The following SPAG16 variants were observed in gnomAD, a reference collection of about 807,000 sequenced individuals.
SPAG16 encodes sperm associated antigen 16, also known as sperm-associated antigen 16 protein.
A neutral mutation model predicts 80.4 loss-of-function variants in SPAG16; 86 were observed. The observed-to-expected ratio is 1.07, with a 90% CI of 0.90 to 1.28. SPAG16 has a LOEUF of 1.28. Ranked by LOEUF, SPAG16 falls within the 50% of genes most tolerant of loss-of-function variation. The pLI, the probability that SPAG16 is intolerant of heterozygous loss-of-function variation, is 0.00. For missense variants in SPAG16, 870 were observed against 765.3 expected (o/e 1.14, Z -1.61); for synonymous variants, 294 against 265.9 (o/e 1.11, Z -1.03).
chr2:214,335,667 A>C (rs1239062045), intron 15 of SPAG16, among the ~76,000 whole-genome samples: 1 of 151,310 alleles, frequency 6.6e-6, no homozygotes, highest in Non-Finnish European at 1.5e-5. Flanking sequence ...TAGCTCTACC[A>C]TCCCGTTTAT....
intron 10 of SPAG16, among the ~76,000 whole-genome samples, chr2:213,607,238 A>G (rs2061293928): frequency 6.6e-6 from 1 of 152,224 alleles, no homozygotes. Context: ...TAAAATTTAA[A>G]TGTAACTATG....
chr2:213,643,179 CTA>C lies in SPAG16; in HGVS notation c.1070+153091_1070+153092del, dbSNP rs1409359373. Among the ~76,000 whole-genome samples the C allele has an allele frequency of 1.5e-3, 231 of 150,500 alleles. 2 individuals are homozygous for C. Among genetic ancestry groups the C allele is most frequent in the African/African-American group, 5.2e-3 (212 of 41,076 alleles). ...TTTGTCTGGGGAAGTCTTTATTTCT[CTA>C]TGTTTAAAGAGTATTTTCACTGGAT... On this transcript the variant is annotated intron_variant, in intron 10 of 15. Transcript: ENST00000331683.
intron 9 of SPAG16, among the ~76,000 whole-genome samples, chr2:213,489,619 C>T (rs766018630): frequency 8.6e-5 from 13 of 151,964 alleles, no homozygotes; most frequent in Non-Finnish European, 1.6e-4. Context: ...GCTGACACTA[C>T]GGTTGGGCCT....
intron 10 of SPAG16, among the ~76,000 whole-genome samples, chr2:213,523,954 A>G (rs1240903542): frequency 6.6e-6 from 1 of 152,238 alleles, no homozygotes; most frequent in African/African-American, 2.4e-5. Flanking sequence ...AGAAATTTGC[A>G]TAAGTAGCAA....
At chr2:214,316,254 A>G (rs1695685511) in intron 15 of SPAG16, among the ~76,000 whole-genome samples, 1 of 152,086 alleles carries the variant, frequency 6.6e-6, no homozygotes, top group Non-Finnish European at 1.5e-5. Flanking sequence ...GGAAAACACT[A>G]CTAGAAATGC....
intron 9 of SPAG16, among the ~76,000 whole-genome samples, chr2:213,478,391 CACTGTCTATATCAATGTAGCAGTAT>C (rs1347222408): frequency 6.6e-6 from 1 of 152,184 alleles, no homozygotes; most frequent in Non-Finnish European, 1.5e-5. Context: ...CAAAATAAAA[CACTGTCTATATCAATGTAGCAGTAT>C]ATGTGAAAGG....
At chr2:214,155,814 T>G (rs2056187955) in intron 15 of SPAG16, among the ~76,000 whole-genome samples, 1 of 152,174 alleles carries the variant, frequency 6.6e-6, no homozygotes, top group African/African-American at 2.4e-5. Context: ...TATTTAATTC[T>G]CACCCCAACT....
chr2:214,213,866 G>C (rs1281153157), intron 15 of SPAG16, among the ~76,000 whole-genome samples: 2 of 152,118 alleles, frequency 1.3e-5, no homozygotes, highest in Admixed American at 1.3e-4. Flanking sequence ...AAAGGTCATG[G>C]CCTTTATGAA....
chr2:214,163,952 A>G (rs1188385325), intron 15 of SPAG16, among the ~76,000 whole-genome samples: 1 of 151,396 alleles, frequency 6.6e-6, no homozygotes, highest in Non-Finnish European at 1.5e-5. Flanking sequence ...TCACGTCTTT[A>G]AAAAAAATAC....
chr2:214,184,156 T>C (rs2057396396), intron 15 of SPAG16, among the ~76,000 whole-genome samples: 1 of 152,130 alleles, frequency 6.6e-6, no homozygotes, highest in Non-Finnish European at 1.5e-5. Context: ...TTTTTGTTCT[T>C]CACTGACATG....
Position 213,742,999 on chromosome 2 carries a change from G to A in SPAG16, c.1071-119486G>A, listed in dbSNP as rs528836336. Among the ~76,000 whole-genome samples, 4 of 151,896 alleles carry A rather than the reference G, an allele frequency of 2.6e-5. No individual in the cohort carries two copies. The South Asian group carries it at 8.3e-4, about 32-fold the overall frequency. ...ACTCACTGCGAGCTCCACCTCCCGCGTTCACGCCATTCTCCTGCCTCAGCC... is the reference window on the plus strand; with the variant it reads ...ACTCACTGCGAGCTCCACCTCCCGCATTCACGCCATTCTCCTGCCTCAGCC... On this transcript the variant is annotated intron_variant, in intron 10 of 15. Coordinates refer to ENST00000331683, the MANE Select transcript of SPAG16 (RefSeq NM_024532.5).
intron 10 of SPAG16, among the ~76,000 whole-genome samples, chr2:213,845,904 A>C (rs563270205): frequency 6.6e-6 from 1 of 152,194 alleles, no homozygotes; most frequent in Non-Finnish European, 1.5e-5. Flanking sequence ...AACCTCCATC[A>C]GACTGGGACA....
At chr2:213,335,118 C>A (rs1051924642) in intron 5 of SPAG16, among the ~76,000 whole-genome samples, 1 of 152,038 alleles carries the variant, frequency 6.6e-6, no homozygotes, top group Non-Finnish European at 1.5e-5. Context: ...ATTATATTTT[C>A]ATTTAGCAAT....
chr2:214,053,482 T>A (rs901615021), intron 13 of SPAG16, among the ~76,000 whole-genome samples: 1 of 152,150 alleles, frequency 6.6e-6, no homozygotes. Flanking sequence ...TTATGAGGAC[T>A]TCTGTGTAGT....
At chr2:213,640,756 A>G (rs749008862) in intron 10 of SPAG16, among the ~76,000 whole-genome samples, 1 of 152,102 alleles carries the variant, frequency 6.6e-6, no homozygotes, top group Non-Finnish European at 1.5e-5. Context: ...ATATGGACAG[A>G]CTCAGGACTT....
At chr2:213,645,550 G>T (rs1204696232) in intron 10 of SPAG16, among the ~76,000 whole-genome samples, 2 of 152,174 alleles carry the variant, frequency 1.3e-5, no homozygotes, top group Non-Finnish European at 2.9e-5. Flanking sequence ...AATGTCATTT[G>T]ATAGCTAGGG....
At chr2:214,176,628 G>C (rs2057090934) in intron 15 of SPAG16, among the ~76,000 whole-genome samples, 1 of 151,296 alleles carries the variant, frequency 6.6e-6, no homozygotes, top group Non-Finnish European at 1.5e-5. Flanking sequence ...AGAATGTATA[G>C]TTGTATATTA....
intron 10 of SPAG16, among the ~76,000 whole-genome samples, chr2:213,515,631 G>A (rs1034293839): frequency 6.6e-6 from 1 of 152,090 alleles, no homozygotes; most frequent in Non-Finnish European, 1.5e-5. Flanking sequence ...GGAAAAATAT[G>A]ACAGAAAAAG....
rs192222353 is a variant in SPAG16 at position 214,178,249 on chromosome 2, G to T, written c.1720+28983G>T. The stretch of plus-strand genomic sequence containing the variant: ...TTCAGACAGGAGATATCAGAGTTTT[G>T]CAAACACTGTGCTATATTTTTATAA... On this transcript the variant is annotated intron_variant, in intron 15 of 15. Transcript: ENST00000331683. Among the ~76,000 whole-genome samples, 3 of 150,144 alleles carry T rather than the reference G, an allele frequency of 2.0e-5. No individual in the cohort carries two copies. In the Admixed American group the frequency reaches 2.0e-4, roughly 10 times the overall value.
Sources: gnomAD v4.1 joint callset for allele counts (sites outside exome capture counted in the v4.1 genomes callset) on GRCh38, gnomAD v4.1.1 for gene constraint, MANE v1.5 for transcripts, NCBI Gene and HGNC (gene_info 2026-07-23, HGNC 2026-07-21) for gene names.